The following C2orf49 variants were observed in gnomAD, a reference collection of about 807,000 sequenced individuals.
C2orf49 encodes the protein tRNA splicing ligase complex subunit 2, also known as tRNA-splicing ligase complex subunit ASW.
C2orf49 carries 11 observed loss-of-function variants against 20.6 expected under a neutral mutation model. The observed-to-expected ratio is 0.53, with a 90% CI of 0.34 to 0.88. The LOEUF (loss-of-function observed/expected upper bound fraction) is 0.88. Among genes scored for constraint, C2orf49 ranks in the 40% least tolerant of loss-of-function variants. The pLI, the probability that C2orf49 is intolerant of heterozygous loss-of-function variation, is 0.02. For missense variants in C2orf49, 289 were observed against 274.2 expected, an observed-to-expected ratio of 1.05 and a Z score of -0.38; for synonymous variants, 134 against 108.5, an observed-to-expected ratio of 1.24 and a Z score of -1.46.
the C2orf49 span, among the ~76,000 whole-genome samples, chr2:105,382,446 C>G: frequency 1.3e-5 from 2 of 152,248 alleles, no homozygotes; most frequent in South Asian, 4.1e-4. Flanking sequence ...ACCTCGGATA[C>G]TTCCTAATCC....
At chr2:105,383,516 T>A in the C2orf49 span, among the ~76,000 whole-genome samples, 1 of 152,220 alleles carries the variant, frequency 6.6e-6, no homozygotes, top group Non-Finnish European at 1.5e-5. Flanking sequence ...GCCTGTCTCA[T>A]TTAAGTAGGT....
chr2:105,367,666 T>C, the C2orf49 span: 1 of 1,614,244 alleles, frequency 6.2e-7, no homozygotes, highest in Non-Finnish European at 8.5e-7. Flanking sequence ...TGGTTCCAAT[T>C]GGCTGCTGGC....
chr2:105,378,234 A>T, the C2orf49 span: 1 of 468,572 alleles, frequency 2.1e-6, no homozygotes, highest in Non-Finnish European at 4.4e-6. Flanking sequence ...ACAGTTTAAG[A>T]CTGATTCATT....
intron 2 of C2orf49, among the ~76,000 whole-genome samples, chr2:105,341,126 A>G (rs192847528): frequency 4.5e-4 from 69 of 152,352 alleles, no homozygotes; most frequent in Admixed American, 1.2e-3. Context: ...AGTGGTGTTA[A>G]CTTTCATAAA....
chr2:105,355,511 G>A, the C2orf49 span, among the ~76,000 whole-genome samples: 1 of 152,094 alleles, frequency 6.6e-6, no homozygotes. Context: ...TGGACCCAGT[G>A]TGGGCTGCAA....
chr2:105,375,493 C>T, the C2orf49 span: 22,523 of 152,224 alleles, frequency 0.15, 2,655 homozygotes, highest in African/African-American at 0.33. Flanking sequence ...CAAACATTAG[C>T]CGGGCGTGGT....
the C2orf49 span, among the ~76,000 whole-genome samples, chr2:105,384,754 C>T: frequency 2.0e-4 from 31 of 152,220 alleles, no homozygotes; most frequent in African/African-American, 7.0e-4. Context: ...TTGATTCACC[C>T]GCCTTGGCCT....
the C2orf49 span, among the ~76,000 whole-genome samples, chr2:105,355,773 TGTGTGTGTG>T: frequency 4.5e-4 from 18 of 39,592 alleles, no homozygotes; most frequent in African/African-American, 1.4e-3. Flanking sequence ...AAAAATTTTG[TGTGTGTGTG>T]TGTGTGTGTG....
At chr2:105,361,341 C>T in the C2orf49 span, 79 of 1,613,904 alleles carry the variant, frequency 4.9e-5, no homozygotes, top group Non-Finnish European at 6.3e-5. Flanking sequence ...GAGGAAGCCA[C>T]GCCCCACCAG....
At chr2:105,362,550 C>A in the C2orf49 span, among the ~76,000 whole-genome samples, 1 of 152,218 alleles carries the variant, frequency 6.6e-6, no homozygotes, top group African/African-American at 2.4e-5. Flanking sequence ...AGGAACGAAC[C>A]AGTCAACTGA....
downstream of C2orf49, among the ~76,000 whole-genome samples, chr2:105,350,430 T>C (rs577859570): frequency 5.9e-5 from 9 of 152,380 alleles, no homozygotes; most frequent in African/African-American, 2.2e-4. Context: ...TAATACCAAT[T>C]GGAAGCTGTT....
At chr2:105,338,079 C>G (rs970981555) in intron 1 of C2orf49, among the ~76,000 whole-genome samples, 3 of 152,122 alleles carry the variant, frequency 2.0e-5, no homozygotes, top group Admixed American at 6.5e-5. Flanking sequence ...TCCACACCTT[C>G]TAATCGTTTA....
In C2orf49 at chr2:105,347,208, A is replaced by G. The variant is rs1209293007; in HGVS notation, c.*1837A>G. On this transcript the variant is annotated 3_prime_UTR_variant, in exon 4 of 4. Transcript: ENST00000258457. ...TGCATAAATTGTTAACGTTACAGTA[A>G]ATTGTTATCTGCAGGGCTGACAGAC... 6.6e-6 allele frequency: 1 copy of G among 152,212 alleles called. No individual in the cohort carries two copies. Among genetic ancestry groups the G allele is most frequent in the Non-Finnish European group, 1.5e-5 (1 of 68,028 alleles). 9.4% of individuals were successfully genotyped at this position (152,212 alleles called of 1,614,324 possible).
chr2:105,384,356 C>G, the C2orf49 span, among the ~76,000 whole-genome samples: 1 of 152,100 alleles, frequency 6.6e-6, no homozygotes, highest in Non-Finnish European at 1.5e-5. Context: ...GTGGAAGGGA[C>G]GTGTCACGAA....
downstream of C2orf49, among the ~76,000 whole-genome samples, chr2:105,352,343 T>C (rs1558670988): frequency 6.6e-6 from 1 of 151,550 alleles, no homozygotes; most frequent in African/African-American, 2.4e-5. Context: ...TTTTAAGGTG[T>C]CTGTACTTAG....
At position 105,346,742 on chromosome 2, in the gene C2orf49, T is replaced by C. The variant is rs896519171; in HGVS notation, c.*1371T>C. ...TACATGAGATTCCCTGCAGCTGTAATATAGACAATTCCCACATGGCTGTTC... is the reference window on the plus strand; with the variant it reads ...TACATGAGATTCCCTGCAGCTGTAACATAGACAATTCCCACATGGCTGTTC... On this transcript the variant is annotated 3_prime_UTR_variant, in exon 4 of 4. Transcript: ENST00000258457. 13 of 152,218 alleles carry C rather than the reference T, an allele frequency of 8.5e-5. No homozygotes were observed. The highest frequency in any genetic ancestry group is 1.5e-5 in the Non-Finnish European group (1 of 68,046). 9.4% of individuals were successfully genotyped at this position (152,218 alleles called of 1,614,324 possible).
At position 105,342,878 on chromosome 2, in the gene C2orf49, ACC is replaced by A; in HGVS notation, c.300_301del (p.Leu101HisfsTer4). 1 of 1,614,048 alleles carries A rather than the reference ACC, an allele frequency of 6.2e-7. No homozygotes were observed. The highest frequency in any genetic ancestry group is 1.1e-5 in the South Asian group (1 of 91,080). On this transcript the variant is annotated frameshift_variant, in exon 3 of 4. Transcript: ENST00000258457. LOFTEE classifies it high-confidence loss of function. The stretch of plus-strand genomic sequence containing the variant: ...GCACTGTAGATGGGTTAAGGAAAAG[ACC>A]CCTCATCGTATTTGATGGAAGTTCA... ...SSTVDGLRKR[P>X]LIVFDGSSTS...
chr2:105,379,377 A>G, the C2orf49 span, among the ~76,000 whole-genome samples: 10 of 152,342 alleles, frequency 6.6e-5, no homozygotes, highest in East Asian at 1.7e-3. Context: ...AGACAGTCCT[A>G]TCAATGAGAA....
rs1679802815 is a variant in C2orf49, at chr2:105,346,049, G to C, written c.*678G>C. 1 of 151,610 alleles carries C rather than the reference G, an allele frequency of 6.6e-6. No individual in the cohort carries two copies. Among genetic ancestry groups the C allele is most frequent in the South Asian group, 2.1e-4 (1 of 4,818 alleles). The allele number at this position is 151,610 out of a possible 1,614,324, so 9.4% of individuals were successfully genotyped here. On this transcript the variant is annotated 3_prime_UTR_variant, in exon 4 of 4. Coordinates refer to ENST00000258457, the MANE Select transcript of C2orf49 (RefSeq NM_024093.3). ...TTTGGGGGAAATTTGAGATTTTTGAGATTTTTTTTAAAAACTCAAATATTT... is the reference window on the plus strand; with the variant it reads ...TTTGGGGGAAATTTGAGATTTTTGACATTTTTTTTAAAAACTCAAATATTT...
Sources: allele counts gnomAD v4.1 joint callset (sites outside exome capture counted in the v4.1 genomes callset), GRCh38; gene constraint gnomAD v4.1.1; transcripts MANE v1.5; gene names NCBI Gene and HGNC (gene_info 2026-07-23, HGNC 2026-07-21).